ZEB2: variants seen among roughly 807,000 people sequenced by gnomAD.
ZEB2 encodes zinc finger E-box-binding homeobox 2.
ZEB2 carries 6 observed loss-of-function variants against 99.9 expected under a neutral mutation model. That is an observed-to-expected ratio of 0.06 (90% CI 0.03 to 0.12). The LOEUF (loss-of-function observed/expected upper bound fraction) is 0.12. Ranked by LOEUF, ZEB2 falls within the 10% of genes least tolerant of loss-of-function variation. The probability of loss-of-function intolerance (pLI) is 1.00; values close to 1 mark genes in which losing one functional copy is unlikely to be tolerated. For missense variants in ZEB2, 969 were observed against 1,502.8 expected (o/e 0.64, Z 5.87); for synonymous variants, 517 against 542.5 (o/e 0.95, Z 0.65).
chr2:144,425,068 T>C (rs1703673935), intron 3 of ZEB2: 1 of 588,524 alleles, frequency 1.7e-6, no homozygotes, highest in Non-Finnish European at 3.0e-6. Flanking sequence ...ACTTTAAGCA[T>C]TACTGCAAGC....
intron 4 of ZEB2, among the ~76,000 whole-genome samples, chr2:144,407,277 T>TA (rs1448365969): frequency 6.6e-6 from 1 of 152,182 alleles, no homozygotes; most frequent in African/African-American, 2.4e-5. Flanking sequence ...CCCTCAAAAA[T>TA]AGATTTGGAA....
In ZEB2 at chr2:144,386,398, C is replaced by G. The variant is rs1560600360; in HGVS notation, c.*3053G>C. 1 of 152,084 alleles carries G rather than the reference C, an allele frequency of 6.6e-6. No individual in the cohort carries two copies. The highest frequency in any genetic ancestry group is 1.5e-5 in the Non-Finnish European group (1 of 68,020). 9.4% of individuals were successfully genotyped at this position (152,084 alleles called of 1,614,324 possible). ...AGCGGATAAATAGCATTAAAAAAAACTCCTCAGATATGGGACATTGTAGTG... is the reference window on the plus strand; with the variant it reads ...AGCGGATAAATAGCATTAAAAAAAAGTCCTCAGATATGGGACATTGTAGTG... On this transcript the variant is annotated 3_prime_UTR_variant, in exon 10 of 10. Coordinates refer to ENST00000627532, the MANE Select transcript of ZEB2 (RefSeq NM_014795.4).
chr2:144,431,390 G>A (rs964324102), intron 2 of ZEB2, among the ~76,000 whole-genome samples: 4 of 152,052 alleles, frequency 2.6e-5, no homozygotes, highest in African/African-American at 9.7e-5. Flanking sequence ...AACAAAAAGA[G>A]AGAGATTTTT....
intron 2 of ZEB2, among the ~76,000 whole-genome samples, chr2:144,477,048 GAAA>G (rs1704439860): frequency 6.6e-6 from 1 of 152,168 alleles, no homozygotes; most frequent in Admixed American, 6.5e-5. Context: ...GTAGATGTAT[GAAA>G]CCTGTTCACT....
intron 2 of ZEB2, among the ~76,000 whole-genome samples, chr2:144,472,832 C>T (rs961270960): frequency 1.1e-5 from 1 of 89,784 alleles, no homozygotes; most frequent in Non-Finnish European, 2.5e-5. Context: ...GAAGAGCTTA[C>T]CTCCAAAAAG....
chr2:144,404,003 G>A lies in ZEB2; in HGVS notation c.720C>T (p.Asn240=), dbSNP rs1022840384. 2.2e-5 allele frequency: 35 copies of A among 1,614,146 alleles called. No individual in the cohort carries two copies. Among genetic ancestry groups the A allele is most frequent in the Non-Finnish European group, 2.9e-5 (34 of 1,180,036 alleles). ...TGTAGCTACAGAGAGGGCAGGAAAA[G>A]TTCTCTTCATTCTTCTCGTGGCGGT... ...IKYRHEKNEE[N]FSCPLCSYTF... Residue 240 remains asparagine (N), a synonymous_variant, in exon 6 of 10, where the codon AAC becomes AAT. Transcript: ENST00000627532.
At chr2:144,472,044 T>A (rs1704364193) in intron 2 of ZEB2, among the ~76,000 whole-genome samples, 2 of 152,102 alleles carry the variant, frequency 1.3e-5, no homozygotes, top group Non-Finnish European at 2.9e-5. Flanking sequence ...ATAAATCTCA[T>A]GCATACTGCA....
rs748213160 is a variant in ZEB2, at chr2:144,389,539, C to A, written c.3557G>T (p.Gly1186Val). The change falls in exon 10 of 10, where the codon GGA becomes GTA. Residue 1186 changes from glycine (G) to valine (V), a missense_variant. Gly to Val is a moderately radical substitution (Grantham distance 109, BLOSUM62 -3). This residue lies in a region of ZEB2 where 121 missense variants were observed against 166.4 expected (regional missense o/e 0.73). Coordinates refer to ENST00000627532, the MANE Select transcript of ZEB2 (RefSeq NM_014795.4). This position sits in a 1 kb window ranked among gnomAD's most constrained non-coding sequence, Gnocchi z 6.8. ...PETIRDEEETGDHSMDDSSED... is the reference protein window; with the variant it reads ...PETIRDEEETVDHSMDDSSED... ...CGAACTATCGTCCATGGAGTGATCT[C>A]CAGTCTCTTCTTCATCTCGTATCGT... The A allele has an allele frequency of 4.2e-5, 67 of 1,614,112 alleles. No homozygotes were observed. The South Asian group carries it at 7.4e-4, about 18-fold the overall frequency.
At chr2:144,412,620 T>C (rs1490399658) in intron 4 of ZEB2, among the ~76,000 whole-genome samples, 1 of 152,236 alleles carries the variant, frequency 6.6e-6, no homozygotes. Context: ...ATTCTGACCC[T>C]TGTCCAATTT....
At chr2:144,515,162 T>TC (rs1001659539) in intron 2 of ZEB2, among the ~76,000 whole-genome samples, 1 of 151,934 alleles carries the variant, frequency 6.6e-6, no homozygotes, top group Non-Finnish European at 1.5e-5. Context: ...AAAGAACACT[T>TC]CTGGGAGCCT....
chr2:144,511,928 G>T (rs1370444344), intron 2 of ZEB2: 21 of 1,287,028 alleles, frequency 1.6e-5, no homozygotes, highest in Non-Finnish European at 2.0e-5. Flanking sequence ...ATCTGCTTTT[G>T]TGGTGACATT....
chr2:144,455,347 T>G (rs1704107493), intron 2 of ZEB2: 1 of 152,172 alleles, frequency 6.6e-6, no homozygotes, highest in Non-Finnish European at 1.5e-5. Context: ...GGACCTCAAT[T>G]TCCACCAACC....
At chr2:144,517,181 C>T in intron 2 of ZEB2, 97 bp downstream of exon 2, 2 of 1,550,710 alleles carry the variant, frequency 1.3e-6, no homozygotes, top group Non-Finnish European at 1.8e-6. Context: ...GCGCCGCCGC[C>T]GCCGCCGCCT....
At chr2:144,513,481 T>G in intron 2 of ZEB2, 1 of 1,514,636 alleles carries the variant, frequency 6.6e-7, no homozygotes, top group South Asian at 1.2e-5. Flanking sequence ...CCCTTTTCTC[T>G]CCTCCTAATT....
At chr2:144,498,213 G>A (rs1407941082) in intron 2 of ZEB2, among the ~76,000 whole-genome samples, 3 of 137,492 alleles carry the variant, frequency 2.2e-5, no homozygotes, top group Non-Finnish European at 4.6e-5. Context: ...AAGCTCATAG[G>A]GCACTACGAA....
intron 4 of ZEB2, among the ~76,000 whole-genome samples, chr2:144,418,414 C>A (rs992401301): frequency 2.6e-5 from 4 of 152,176 alleles, no homozygotes; most frequent in African/African-American, 7.2e-5. Flanking sequence ...GTTGGCCAGG[C>A]CTGGTGGCTC....
chr2:144,479,381 G>A (rs1322077345), intron 2 of ZEB2, among the ~76,000 whole-genome samples: 1 of 152,098 alleles, frequency 6.6e-6, no homozygotes, highest in Non-Finnish European at 1.5e-5. Flanking sequence ...TTCTTGTCTA[G>A]TTCACAGGCA....
At chr2:144,508,296 AG>A (rs374689638) in intron 2 of ZEB2, among the ~76,000 whole-genome samples, 122 of 152,254 alleles carry the variant, frequency 8.0e-4, no homozygotes, top group African/African-American at 2.7e-3. Flanking sequence ...TGCAACTCGA[AG>A]GGTGTACCAT....
At chr2:144,511,301 G>A (rs1164803762) in intron 2 of ZEB2, 1 of 854,340 alleles carries the variant, frequency 1.2e-6, no homozygotes, top group Non-Finnish European at 1.5e-6. Context: ...ATACACGCAT[G>A]GATGGCTTTT....
Sources: allele counts gnomAD v4.1 joint callset (sites outside exome capture counted in the v4.1 genomes callset), GRCh38; gene constraint gnomAD v4.1.1; regional missense constraint gnomAD v4.1.1; non-coding constraint Gnocchi (gnomAD v3.1); transcripts MANE v1.5; gene names NCBI Gene and HGNC (gene_info 2026-07-23, HGNC 2026-07-21).